ATG7: variants seen among roughly 807,000 people sequenced by gnomAD.
ATG7 encodes the protein autophagy related 7, also known as ubiquitin-like modifier-activating enzyme ATG7.
Under a neutral mutation model 82.4 loss-of-function variants are expected in ATG7, and 70 were observed. The ratio of observed to expected loss-of-function variants is 0.85; its 90% confidence interval spans 0.70 to 1.04. ATG7 has a LOEUF of 1.04. Ranked by LOEUF, ATG7 falls within the 50% of genes least tolerant of loss-of-function variation. ATG7 has a pLI of 0.00. For synonymous variants in ATG7, 287 were observed against 313.0 expected (o/e 0.92, Z 0.88); for missense variants, 792 against 864.3 (o/e 0.92, Z 1.05).
intron 5 of ATG7, chr3:11,304,513 TGGG>T (rs1947392218): frequency 6.6e-6 from 1 of 152,256 alleles, no homozygotes; most frequent in African/African-American, 2.4e-5. Context: ...GCGTTCCCTG[TGGG>T]CATGTGAAGC....
At chr3:11,408,991 G>C (rs1199837643) in intron 19 of ATG7, among the ~76,000 whole-genome samples, 1 of 151,992 alleles carries the variant, frequency 6.6e-6, no homozygotes, top group Non-Finnish European at 1.5e-5. Flanking sequence ...TTTTTAATTG[G>C]GTTGTTTGTA....
At position 11,277,900 on chromosome 3, in the gene ATG7, C is replaced by T. The variant is rs150279792; in HGVS notation, c.-365-3094C>T. ...GAGCGGCCCTTTATAGACCCCCCCC[C>T]CCCCACCAGGAATGCATTCCTTTCC... On this transcript the variant is annotated intron_variant, in intron 1 of 20. Coordinates refer to ENST00000693202, the MANE Select transcript of ATG7 (RefSeq NM_001349232.2). 3.0e-5 allele frequency among the ~76,000 whole-genome samples: 4 copies of T among 134,440 alleles called. 1 individual carries two copies. The East Asian group carries it at 9.4e-4, about 32-fold the overall frequency. 88.2% of individuals were successfully genotyped at this position (134,440 alleles called of 152,430 possible).
intron 20 of ATG7, among the ~76,000 whole-genome samples, chr3:11,508,592 G>C (rs1480027278): frequency 6.6e-6 from 1 of 152,098 alleles, no homozygotes; most frequent in Admixed American, 6.6e-5. Context: ...AGTAGCTGGT[G>C]TACCACCATG....
At chr3:11,304,124 C>G (rs1231042392) in intron 5 of ATG7, among the ~76,000 whole-genome samples, 1 of 152,056 alleles carries the variant, frequency 6.6e-6, no homozygotes, top group African/African-American at 2.4e-5. Context: ...TTCTATGCCT[C>G]AAGTTGGACC....
At chr3:11,369,313 C>T (rs1257638071) in intron 18 of ATG7, among the ~76,000 whole-genome samples, 1 of 150,974 alleles carries the variant, frequency 6.6e-6, no homozygotes, top group Non-Finnish European at 1.5e-5. Flanking sequence ...CCCTCTGGTT[C>T]TAAACCTCTC....
intron 3 of ATG7, among the ~76,000 whole-genome samples, chr3:11,294,742 C>T (rs966796591): frequency 1.3e-5 from 2 of 152,198 alleles, no homozygotes; most frequent in Non-Finnish European, 2.9e-5. Context: ...TCCTGGCCTC[C>T]ATCACTATCC....
At chr3:11,475,868 G>GACACACACACACACAC (rs3219674) in intron 20 of ATG7, among the ~76,000 whole-genome samples, 3,241 of 111,078 alleles carry the variant, frequency 0.029, 55 homozygotes, top group East Asian at 0.059. Context: ...CTGTCTCTGA[G>GACACACACACACACAC]ACACACACAC....
intron 20 of ATG7, among the ~76,000 whole-genome samples, chr3:11,515,706 A>G (rs1018439110): frequency 2.9e-5 from 4 of 135,740 alleles, no homozygotes; most frequent in African/African-American, 1.2e-4. Context: ...TCTCTCTCTC[A>G]TACACATACA....
At chr3:11,547,579 T>G (rs1172231456) in intron 20 of ATG7, among the ~76,000 whole-genome samples, 3 of 152,230 alleles carry the variant, frequency 2.0e-5, no homozygotes, top group Non-Finnish European at 4.4e-5. Context: ...GTTTAATTTT[T>G]GGGGTAAACT....
rs1553652380 is a variant in ATG7 at position 11,417,800 on chromosome 3, A to ATTATTTTTTTTTTTTTTTTTTTTTT, written c.1957-9002_1957-9001insATTTTTTTTTTTTTTTTTTTTTTTT. Among the ~76,000 whole-genome samples the ATTATTTTTTTTTTTTTTTTTTTTTT allele has an allele frequency of 8.2e-5, 9 of 109,356 alleles. 1 individual carries two copies. The highest frequency in any genetic ancestry group is 3.1e-4 in the East Asian group (1 of 3,266). The allele number at this position is 109,356 out of a possible 152,430, so 71.7% of individuals were successfully genotyped here. ...CATTTAAAAAATTATTATTATTATTATTTTATTTTATTTTATTTTTTTTTT... is the reference window on the plus strand; with the variant it reads ...CATTTAAAAAATTATTATTATTATTATTATTTTTTTTTTTTTTTTTTTTTTTTTTATTTTATTTTATTTTTTTTTT... On this transcript the variant is annotated intron_variant, in intron 19 of 20. Coordinates refer to ENST00000693202, the MANE Select transcript of ATG7 (RefSeq NM_001349232.2).
chr3:11,395,901 C>T (rs1287022932), intron 19 of ATG7, among the ~76,000 whole-genome samples: 1 of 126,826 alleles, frequency 7.9e-6, no homozygotes, highest in Admixed American at 9.8e-5. Context: ...GGTCACACCA[C>T]TATACTCCAG....
rs777300033 is a variant in ATG7, at chr3:11,342,293, G to A, written c.1125+14G>A. On this transcript the variant is annotated intron_variant, in intron 13 of 20. Coordinates refer to ENST00000693202, the MANE Select transcript of ATG7 (RefSeq NM_001349232.2). The stretch of plus-strand genomic sequence containing the variant: ...AGGACGTTGATGGTAAGTCGGAGGT[G>A]GGGGGTGCAAATGGCACCTTTGAAG... 9.4e-6 allele frequency: 15 copies of A among 1,603,050 alleles called. No individual in the cohort carries two copies. The highest frequency in any genetic ancestry group is 1.7e-5 in the Admixed American group (1 of 58,372).
intron 20 of ATG7, among the ~76,000 whole-genome samples, chr3:11,534,909 C>T (rs566260821): frequency 4.6e-5 from 7 of 152,344 alleles, no homozygotes; most frequent in South Asian, 2.1e-4. Flanking sequence ...AGCCCTGCTG[C>T]GGAGGCGCCT....
At chr3:11,406,108 G>T (rs1007541409) in intron 19 of ATG7, among the ~76,000 whole-genome samples, 1 of 151,696 alleles carries the variant, frequency 6.6e-6, no homozygotes, top group Non-Finnish European at 1.5e-5. Context: ...TCTCACCTCA[G>T]TCTCCCAAGT....
chr3:11,510,904 C>G (rs1198555257), intron 20 of ATG7, among the ~76,000 whole-genome samples: 2 of 152,168 alleles, frequency 1.3e-5, no homozygotes, highest in African/African-American at 4.8e-5. Context: ...TTCTTGGTCT[C>G]ACTGACTTCA....
chr3:11,288,492 CTCTT>C (rs1015497605), intron 3 of ATG7, among the ~76,000 whole-genome samples: 2 of 152,174 alleles, frequency 1.3e-5, no homozygotes, highest in African/African-American at 4.8e-5. Context: ...TTTTATCTCT[CTCTT>C]TGTCTTCTTG....
chr3:11,323,752 G>A (rs1169818478), intron 9 of ATG7, among the ~76,000 whole-genome samples: 1 of 152,226 alleles, frequency 6.6e-6, no homozygotes. Flanking sequence ...TGTTAGTTGG[G>A]CTCTTTCTTC....
chr3:11,428,405 A>G (rs2082561865), intron 20 of ATG7, among the ~76,000 whole-genome samples: 1 of 152,004 alleles, frequency 6.6e-6, no homozygotes, highest in East Asian at 1.9e-4. Context: ...GAGATTTTTC[A>G]GGTACACCAG....
At chr3:11,372,896 G>A (rs186550779) in intron 18 of ATG7, among the ~76,000 whole-genome samples, 2 of 151,174 alleles carry the variant, frequency 1.3e-5, no homozygotes, top group Non-Finnish European at 3.0e-5. Context: ...TGTGGGGAGA[G>A]GGGAGAATGA....
Sources: allele counts gnomAD v4.1 joint callset (sites outside exome capture counted in the v4.1 genomes callset), GRCh38; gene constraint gnomAD v4.1.1; transcripts MANE v1.5; gene names NCBI Gene and HGNC (gene_info 2026-07-23, HGNC 2026-07-21).